Variants in SGPL1 observed in about 807,000 individuals in gnomAD.
SGPL1 encodes the protein sphingosine-1-phosphate lyase 1.
A neutral mutation model predicts 68.9 loss-of-function variants in SGPL1; 37 were observed. The ratio of observed to expected loss-of-function variants is 0.54; its 90% CI spans 0.41 to 0.71. The LOEUF is 0.71. Ranked by LOEUF, SGPL1 falls within the 30% of genes least tolerant of loss-of-function variation. SGPL1 has a pLI of 0.00. For missense variants in SGPL1, 551 were observed against 704.6 expected (o/e 0.78, Z 2.47); for synonymous variants, 236 against 248.5 (o/e 0.95, Z 0.47).
chr10:70,834,800 A>G (rs774213834), intron 2 of SGPL1, among the ~76,000 whole-genome samples: 5 of 152,164 alleles, frequency 3.3e-5, no homozygotes, highest in Admixed American at 1.3e-4. Context: ...TGTGCCACTG[A>G]TAGTTTGGCT....
At position 70,859,510 on chromosome 10, in the gene SGPL1, G is replaced by A. The variant is rs1219991730; in HGVS notation, c.615+11G>A. On this transcript the variant is annotated intron_variant, in intron 7 of 14. Coordinates refer to ENST00000373202, the MANE Select transcript of SGPL1 (RefSeq NM_003901.4). ...GATTCGTGTGGATGTGTAAGTATAT[G>A]CAAGGGGCATCCAATAGCCTTATTT... 4 of 1,430,450 alleles carry A rather than the reference G, an allele frequency of 2.8e-6. No homozygotes were observed. The highest frequency in any genetic ancestry group is 2.1e-5 in the Admixed American group (1 of 46,534). The allele number at this position is 1,430,450 out of a possible 1,614,324, so 88.6% of individuals were successfully genotyped here.
chr10:70,858,566 G>A (rs1184028653), intron 6 of SGPL1, among the ~76,000 whole-genome samples: 1 of 152,114 alleles, frequency 6.6e-6, no homozygotes, highest in Non-Finnish European at 1.5e-5. Flanking sequence ...GGCAGGTTTT[G>A]CATAAGTTGG....
At chr10:70,875,827 A>G (rs544137569) in intron 13 of SGPL1, among the ~76,000 whole-genome samples, 2 of 152,340 alleles carry the variant, frequency 1.3e-5, no homozygotes, top group East Asian at 1.9e-4. Context: ...TCTCCAATCC[A>G]TCTTGTACAC....
At chr10:70,817,552 T>G (rs11593969) in intron 2 of SGPL1, among the ~76,000 whole-genome samples, 6,323 of 152,302 alleles carry the variant, frequency 0.042, 198 homozygotes, top group Non-Finnish European at 0.062. Context: ...ATCCTCTTGC[T>G]TCAGCCTCTG....
chr10:70,837,799 A>G (rs1845649373), intron 2 of SGPL1, among the ~76,000 whole-genome samples: 1 of 152,180 alleles, frequency 6.6e-6, no homozygotes, highest in South Asian at 2.1e-4. Flanking sequence ...GGGTAATTAT[A>G]AACAATAGAA....
At chr10:70,847,476 A>G (rs1845810796) in intron 3 of SGPL1, among the ~76,000 whole-genome samples, 1 of 152,204 alleles carries the variant, frequency 6.6e-6, no homozygotes, top group Non-Finnish European at 1.5e-5. Flanking sequence ...AAGATACAAA[A>G]CAAAAGCAGT....
intron 7 of SGPL1, among the ~76,000 whole-genome samples, chr10:70,861,930 T>C (rs1210279951): frequency 8.5e-5 from 13 of 152,152 alleles, no homozygotes; most frequent in Non-Finnish European, 1.3e-4. Context: ...TCCCACCCCC[T>C]CCGTGGGCTC....
At chr10:70,866,607 C>T (rs1846192036) in intron 7 of SGPL1, 1 of 152,330 alleles carries the variant, frequency 6.6e-6, no homozygotes, top group African/African-American at 2.4e-5. Context: ...GCTGGTCCCT[C>T]CCCGACTCTT....
intron 2 of SGPL1, among the ~76,000 whole-genome samples, chr10:70,836,483 C>T (rs1040884847): frequency 1.3e-5 from 2 of 152,070 alleles, no homozygotes; most frequent in African/African-American, 4.8e-5. Context: ...TGATACTGCA[C>T]ACTGGTTTCT....
At chr10:70,846,956 G>A (rs1297394579) in intron 3 of SGPL1, among the ~76,000 whole-genome samples, 1 of 151,940 alleles carries the variant, frequency 6.6e-6, no homozygotes, top group Non-Finnish European at 1.5e-5. Flanking sequence ...CATACATTTT[G>A]CTTAGCTAAT....
rs758265141 is a variant in SGPL1 at position 70,876,604 on chromosome 10, C to T, written c.1509C>T (p.Asp503=). 6.0e-5 allele frequency: 96 copies of T among 1,612,644 alleles called. No individual in the cohort carries two copies. Among genetic ancestry groups the T allele is most frequent in the Non-Finnish European group, 8.1e-5 (95 of 1,178,734 alleles). ...GAGTAGCTATACAATTCCTAAAGGA[C>T]ATTCGAGAATCTGTCACTCAAATCA... ...RKRVAIQFLK[D]IRESVTQIMK... The change falls in exon 14 of 15, where the codon GAC becomes GAT. Residue 503 remains aspartate, a synonymous_variant. Transcript: ENST00000373202.
intron 3 of SGPL1, 107 bp from the exon 4 acceptor site, chr10:70,851,034 CTT>C (rs1845871573): frequency 6.2e-6 from 5 of 804,142 alleles, no homozygotes; most frequent in African/African-American, 1.7e-5. Flanking sequence ...GAAAGAAACT[CTT>C]TGCAATTGGA....
At chr10:70,861,720 CG>C (rs1020501489) in intron 7 of SGPL1, among the ~76,000 whole-genome samples, 2 of 152,212 alleles carry the variant, frequency 1.3e-5, no homozygotes, top group African/African-American at 4.8e-5. Context: ...ATGGGCTTGG[CG>C]GGCCCCGCAC....
intron 7 of SGPL1, chr10:70,866,158 A>G (rs1414495040): frequency 6.6e-6 from 1 of 152,150 alleles, no homozygotes; most frequent in Non-Finnish European, 1.5e-5. Context: ...AGGCTGAGGC[A>G]AGTGGATCGC....
At chr10:70,870,971 CA>C in intron 9 of SGPL1, 76 bp from the exon 10 acceptor site, 2 of 1,249,352 alleles carry the variant, frequency 1.6e-6, no homozygotes, top group Admixed American at 1.7e-5. Flanking sequence ...GCTAGCAGCC[CA>C]AATTGCTCTT....
chr10:70,848,389 C>G (rs1489316494), intron 3 of SGPL1, among the ~76,000 whole-genome samples: 1 of 146,692 alleles, frequency 6.8e-6, no homozygotes, highest in Non-Finnish European at 1.5e-5. Flanking sequence ...TGATGTACAA[C>G]ATGAAGTTTT....
chr10:70,829,708 G>T (rs966107198), intron 2 of SGPL1, among the ~76,000 whole-genome samples: 1 of 152,122 alleles, frequency 6.6e-6, no homozygotes, highest in African/African-American at 2.4e-5. Context: ...GCTAAAATTA[G>T]AGCCGAAGGT....
intron 2 of SGPL1, among the ~76,000 whole-genome samples, chr10:70,822,383 T>C (rs1315337357): frequency 6.6e-6 from 1 of 152,254 alleles, no homozygotes; most frequent in African/African-American, 2.4e-5. Flanking sequence ...AGTATTTGAC[T>C]TAGCTTTTCA....
chr10:70,854,330 A>G (rs1263866448), intron 4 of SGPL1, among the ~76,000 whole-genome samples: 1 of 152,094 alleles, frequency 6.6e-6, no homozygotes, highest in African/African-American at 2.4e-5. Flanking sequence ...GCCTGCTACC[A>G]TGCCTGGCTA....
Sources: gnomAD v4.1 joint callset for allele counts (sites outside exome capture counted in the v4.1 genomes callset) on GRCh38, gnomAD v4.1.1 for gene constraint, MANE v1.5 for transcripts, NCBI Gene and HGNC (gene_info 2026-07-23, HGNC 2026-07-21) for gene names.